The following SDK2 variants were observed in gnomAD, a reference collection of about 807,000 sequenced individuals.
SDK2 encodes the protein protein sidekick-2.
Under a neutral mutation model 253.9 loss-of-function variants are expected in SDK2, and 105 were observed. The ratio of observed to expected loss-of-function variants is 0.41; its 90% CI spans 0.35 to 0.49. The LOEUF (loss-of-function observed/expected upper bound fraction) is 0.49, where lower values mean the gene tolerates loss of function less well. Ranked by LOEUF, SDK2 falls within the 20% of genes least tolerant of loss-of-function variation. SDK2 has a pLI of 0.06. For missense variants in SDK2, 2,608 were observed against 3,003.0 expected (o/e 0.87, Z 3.07); for synonymous variants, 1,249 against 1,234.9 (o/e 1.01, Z -0.24).
chr17:73,424,617 T>A (rs779248722), intron 12 of SDK2, among the ~76,000 whole-genome samples: 11 of 152,220 alleles, frequency 7.2e-5, no homozygotes, highest in Non-Finnish European at 1.6e-4. Flanking sequence ...CACGCATCAG[T>A]GCTTGACAAT....
intron 2 of SDK2, among the ~76,000 whole-genome samples, chr17:73,499,208 ATCT>A (rs1414083582): frequency 3.3e-5 from 5 of 152,198 alleles, no homozygotes; most frequent in Non-Finnish European, 7.4e-5. Context: ...ATTTCTCTTC[ATCT>A]TCTTATCTGA....
At chr17:73,503,845 G>T (rs2063909758) in intron 2 of SDK2, among the ~76,000 whole-genome samples, 1 of 152,148 alleles carries the variant, frequency 6.6e-6, no homozygotes, top group South Asian at 2.1e-4. Context: ...ATCCTTCCCT[G>T]GGACTTTCTA....
chr17:73,357,912 G>A (rs1568364200), intron 40 of SDK2, 167 bp downstream of exon 40: 2 of 1,045,790 alleles, frequency 1.9e-6, no homozygotes, highest in Non-Finnish European at 2.9e-6. Context: ...AGCTCTAGGA[G>A]CCCCCCAACC....
At chr17:73,491,358 C>T (rs1309290351) in intron 2 of SDK2, among the ~76,000 whole-genome samples, 1 of 148,914 alleles carries the variant, frequency 6.7e-6, no homozygotes, top group African/African-American at 2.4e-5. Flanking sequence ...CCTCTCTCTG[C>T]CTTTCTGTTT....
intron 2 of SDK2, among the ~76,000 whole-genome samples, chr17:73,486,629 AAAAAG>A (rs1398129010): frequency 2.7e-5 from 4 of 149,916 alleles, no homozygotes; most frequent in Non-Finnish European, 4.4e-5. Context: ...AAAAAAAAAA[AAAAAG>A]AGGCAGAAAG....
intron 2 of SDK2, among the ~76,000 whole-genome samples, chr17:73,486,402 A>T (rs778890772): frequency 3.9e-5 from 6 of 152,088 alleles, no homozygotes; most frequent in Non-Finnish European, 7.4e-5. Flanking sequence ...TGAGGCCAGG[A>T]GTTTGAGACC....
chr17:73,589,087 G>A (rs16977685), intron 1 of SDK2, among the ~76,000 whole-genome samples: 1 of 152,242 alleles, frequency 6.6e-6, no homozygotes, highest in Non-Finnish European at 1.5e-5. Context: ...TGATCTGTTC[G>A]AGCAAGAAAG....
intron 3 of SDK2, among the ~76,000 whole-genome samples, chr17:73,457,269 T>A (rs2063533497): frequency 2.1e-5 from 1 of 48,170 alleles, no homozygotes; most frequent in Non-Finnish European, 3.6e-5. Flanking sequence ...CTTCCTTCCT[T>A]CCTTCCTTCC....
At chr17:73,499,981 G>A (rs111282743) in intron 2 of SDK2, among the ~76,000 whole-genome samples, 3,601 of 152,052 alleles carry the variant, frequency 0.024, 160 homozygotes, top group African/African-American at 0.083. Context: ...AATTATGCCA[G>A]AAGGTGTTAC....
In SDK2 at chr17:73,457,044, G is replaced by C. The variant is rs77932802; in HGVS notation, c.332-991C>G. ...GAAGCAGCATTTTAGCAAGACGCTT[G>C]GCAAGTGTGTCCATGTTCAACTGTG... On this transcript the variant is annotated intron_variant, in intron 3 of 44. Coordinates refer to ENST00000392650, the MANE Select transcript of SDK2 (RefSeq NM_001144952.2). 2.3e-3 allele frequency among the ~76,000 whole-genome samples: 345 copies of C among 152,286 alleles called. 2 individuals carry two copies. Among genetic ancestry groups the C allele is most frequent in the African/African-American group, 7.6e-3 (314 of 41,556 alleles).
intron 1 of SDK2, among the ~76,000 whole-genome samples, chr17:73,526,792 G>A (rs1439577719): frequency 6.6e-6 from 1 of 152,212 alleles, no homozygotes; most frequent in Non-Finnish European, 1.5e-5. Flanking sequence ...TTTCTTAGAG[G>A]ACAGTTACGT....
At chr17:73,508,194 C>A (rs2063950484) in intron 1 of SDK2, among the ~76,000 whole-genome samples, 1 of 152,258 alleles carries the variant, frequency 6.6e-6, no homozygotes, top group South Asian at 2.1e-4. Flanking sequence ...TCTAGGCTGG[C>A]CGCCTGGTTG....
In SDK2 at chr17:73,431,175, A is replaced by G. The variant is rs2063323045; in HGVS notation, c.1480+327T>C. ...GTGACAGAGACCGTCTGGCCCACAC[A>G]GCTTAAAATATTTATGATCTGGCCC... On this transcript the variant is annotated intron_variant, in intron 11 of 44. Coordinates refer to ENST00000392650, the MANE Select transcript of SDK2 (RefSeq NM_001144952.2). The surrounding 1 kb of genome is among the most constrained non-coding windows in gnomAD (Gnocchi z 5.6). 6.6e-6 allele frequency among the ~76,000 whole-genome samples: 1 copy of G among 152,260 alleles called. No individual in the cohort carries two copies. The highest frequency in any genetic ancestry group is 1.5e-5 in the Non-Finnish European group (1 of 68,050).
rs1568365695 is a variant in SDK2 at position 73,361,618 on chromosome 17, G to C, written c.5467+66C>G. 6.5e-7 allele frequency: 1 copy of C among 1,537,110 alleles called. No individual in the cohort carries two copies. Among genetic ancestry groups the C allele is most frequent in the Non-Finnish European group, 8.9e-7 (1 of 1,121,650 alleles). On this transcript the variant is annotated intron_variant, in intron 39 of 44. Coordinates refer to ENST00000392650, the MANE Select transcript of SDK2 (RefSeq NM_001144952.2). The surrounding 1 kb of genome is among the most constrained non-coding windows in gnomAD (Gnocchi z 4.1). Reference sequence around the variant, plus strand: ...GTCCAGCACAGCTCTTGACACCGGGGGCCCCTTCTGACTGGGGACGCTGAA... The same window carrying C: ...GTCCAGCACAGCTCTTGACACCGGGCGCCCCTTCTGACTGGGGACGCTGAA...
chr17:73,472,041 G>A, intron 3 of SDK2, 71 bp downstream of exon 3: 2 of 1,136,474 alleles, frequency 1.8e-6, no homozygotes, highest in Non-Finnish European at 1.3e-6. Context: ...GCTCTGCCCA[G>A]GATGTGGCTG....
chr17:73,508,850 T>C (rs1377877201), intron 1 of SDK2, among the ~76,000 whole-genome samples: 2 of 152,156 alleles, frequency 1.3e-5, no homozygotes, highest in African/African-American at 4.8e-5. Flanking sequence ...AACCTGCAGA[T>C]GCCCAGAGCT....
At chr17:73,468,292 G>C (rs2063617635) in intron 3 of SDK2, among the ~76,000 whole-genome samples, 1 of 152,168 alleles carries the variant, frequency 6.6e-6, no homozygotes, top group Non-Finnish European at 1.5e-5. Context: ...ACTGATGCAG[G>C]GTGCACTGTT....
intron 18 of SDK2, among the ~76,000 whole-genome samples, 169 bp from the exon 19 acceptor site, chr17:73,402,310 G>T (rs1478974379): frequency 6.6e-6 from 1 of 152,222 alleles, no homozygotes; most frequent in Non-Finnish European, 1.5e-5. Flanking sequence ...GGGGTACTGG[G>T]GTTCACTTTG....
rs749581066 is a variant in SDK2, at chr17:73,639,909, C to T, written c.64+4116G>A. Among the ~76,000 whole-genome samples, 2 of 152,140 alleles carry T rather than the reference C, an allele frequency of 1.3e-5. No individual in the cohort carries two copies. Among genetic ancestry groups the T allele is most frequent in the Non-Finnish European group, 2.9e-5 (2 of 68,034 alleles). ...ACCAGATGGCCTTGTGGGCAGACGA[C>T]GGTCCTAGATGACTTTTCGTGTGTC... is the stretch of plus-strand genomic sequence containing the variant. On this transcript the variant is annotated intron_variant, in intron 1 of 44. Coordinates refer to ENST00000392650, the MANE Select transcript of SDK2 (RefSeq NM_001144952.2). This position sits in a 1 kb window ranked among gnomAD's most constrained non-coding sequence, Gnocchi z 4.3.
Sources: allele counts gnomAD v4.1 joint callset (sites outside exome capture counted in the v4.1 genomes callset), GRCh38; gene constraint gnomAD v4.1.1; non-coding constraint Gnocchi (gnomAD v3.1); transcripts MANE v1.5; gene names NCBI Gene and HGNC (gene_info 2026-07-23, HGNC 2026-07-21).